USP42: variants seen among roughly 807,000 people sequenced by gnomAD.
USP42 encodes ubiquitin specific peptidase 42.
Under a neutral mutation model 113.0 loss-of-function variants are expected in USP42, and 23 were observed. That is an observed-to-expected ratio of 0.20 (90% CI 0.15 to 0.29). The LOEUF (loss-of-function observed/expected upper bound fraction) is 0.29, where lower values mean the gene tolerates loss of function less well. USP42 is among the 10% of genes least tolerant of loss of function. The pLI, the probability that USP42 is intolerant of heterozygous loss-of-function variation, is 1.00. For synonymous variants in USP42, 933 were observed against 699.0 expected, an observed-to-expected ratio of 1.33 and a Z score of -5.28; for missense variants, 2,174 against 1,779.8, an observed-to-expected ratio of 1.22 and a Z score of -3.99.
chr7:6,157,106 T>G lies in USP42; in HGVS notation c.3943+51T>G, dbSNP rs1782498996. On this transcript the variant is annotated intron_variant, in intron 16 of 17. Transcript: ENST00000306177. This position sits in a 1 kb window ranked among gnomAD's most constrained non-coding sequence, Gnocchi z 4.1. Reference sequence around the variant, plus strand: ...AAGATAGAAACTATTTCTTAATACATTTTCTTTGCAAAGGTGATTAACATG... The same window carrying G: ...AAGATAGAAACTATTTCTTAATACAGTTTCTTTGCAAAGGTGATTAACATG... 1.1e-5 allele frequency: 16 copies of G among 1,491,196 alleles called. No homozygotes were observed. The highest frequency in any genetic ancestry group is 1.2e-5 in the Non-Finnish European group (14 of 1,125,660). The allele number at this position is 1,491,196 out of a possible 1,614,324, so 92.4% of individuals were successfully genotyped here. A position where few individuals can be genotyped will look rare whatever the true frequency, so the allele number is the denominator to read the frequency against.
rs1210779718 is a variant in USP42, at chr7:6,146,007, T to C, written c.1132-141T>C. 26 of 698,510 alleles carry C rather than the reference T, an allele frequency of 3.7e-5. 1 individual carries two copies. In the South Asian group the frequency reaches 4.2e-4, roughly 11 times the overall value. 43.3% of individuals were successfully genotyped at this position (698,510 alleles called of 1,614,324 possible). On this transcript the variant is annotated intron_variant, in intron 10 of 17. Transcript: ENST00000306177. ...ATCGCTTGAACCCAGGAGGTGGAGA[T>C]TGCAAGATCACGCCACTGCACTCCA...
rs940751856 is a variant in USP42, at chr7:6,160,537, G to A, written c.*37-18G>A. ...CGCCTGCCTCCAACTCACTAACCCT[G>A]CGCCTCTTGTCTTTCAGATTCAACG... On this transcript the variant is annotated intron_variant, in intron 17 of 17. Coordinates refer to ENST00000306177, the MANE Select transcript of USP42 (RefSeq NM_032172.3). 2 of 152,658 alleles carry A rather than the reference G, an allele frequency of 1.3e-5. No individual in the cohort carries two copies. Among genetic ancestry groups the A allele is most frequent in the African/African-American group, 4.8e-5 (2 of 41,440 alleles). The allele number at this position is 152,658 out of a possible 1,614,324, so 9.5% of individuals were successfully genotyped here. A position where few individuals can be genotyped will look rare whatever the true frequency, so the allele number is the denominator to read the frequency against.
chr7:6,138,715 A>C (rs1025634071), intron 4 of USP42, among the ~76,000 whole-genome samples: 4 of 152,204 alleles, frequency 2.6e-5, no homozygotes, highest in Non-Finnish European at 5.9e-5. Context: ...GATCAATGGC[A>C]GCATTAGATT....
intron 3 of USP42, among the ~76,000 whole-genome samples, chr7:6,129,054 C>T (rs1010478737): frequency 2.0e-5 from 3 of 152,136 alleles, no homozygotes; most frequent in Middle Eastern, 3.2e-3. Flanking sequence ...TCAGGCCATC[C>T]GCCCACCTCA....
chr7:6,117,662 G>A (rs1407694617), intron 3 of USP42, among the ~76,000 whole-genome samples: 2 of 152,164 alleles, frequency 1.3e-5, no homozygotes, highest in Non-Finnish European at 2.9e-5. Flanking sequence ...TCCCACCACT[G>A]GTGAATGAAT....
chr7:6,140,947 C>G lies in USP42; in HGVS notation c.758C>G (p.Thr253Ser). The change falls in exon 7 of 18, where the codon ACT becomes AGT. Residue 253 changes from threonine (T) to serine (S), a missense_variant. Transcript: ENST00000306177. ...TTAAATTGCAAGGGCGTTTCAGATA[C>G]TTTTGATCCATATCTTGATATAACA... ...KCLNCKGVSD[T>S]FDPYLDITLE... 6.4e-7 allele frequency: 1 copy of G among 1,560,314 alleles called. No homozygotes were observed. Among genetic ancestry groups the G allele is most frequent in the Non-Finnish European group, 8.7e-7 (1 of 1,148,070 alleles).
chr7:6,155,247 G>C, intron 15 of USP42, 52 bp downstream of exon 15: 1 of 1,474,246 alleles, frequency 6.8e-7, no homozygotes, highest in South Asian at 1.4e-5. Context: ...TGTCAGCAGT[G>C]GGGCCTGTCC....
chr7:6,086,144 T>C, the USP42 span, among the ~76,000 whole-genome samples: 11 of 149,594 alleles, frequency 7.4e-5, no homozygotes, highest in Admixed American at 7.3e-4. Context: ...CAAGCAATTC[T>C]CCTGCCTCAG....
chr7:6,106,645 G>C (rs1363723385), intron 1 of USP42, among the ~76,000 whole-genome samples: 1 of 152,126 alleles, frequency 6.6e-6, no homozygotes, highest in Admixed American at 6.6e-5. Flanking sequence ...GCTCACTGTA[G>C]CCTCAATCTC....
chr7:6,115,221 A>G (rs550437026), intron 2 of USP42, 102 bp from the exon 3 acceptor site: 1,114 of 1,181,918 alleles, frequency 9.4e-4, no homozygotes, highest in South Asian at 2.1e-3. Context: ...TGGTCATGAG[A>G]TTTCGGATCT....
chr7:6,142,508 G>A (rs910700202), intron 7 of USP42, among the ~76,000 whole-genome samples: 1 of 152,076 alleles, frequency 6.6e-6, no homozygotes, highest in Non-Finnish European at 1.5e-5. Flanking sequence ...GAGCCACCAC[G>A]CCCGCCCGGA....
intron 1 of USP42, among the ~76,000 whole-genome samples, chr7:6,109,953 G>A (rs987499698): frequency 6.6e-6 from 1 of 151,252 alleles, no homozygotes; most frequent in South Asian, 2.1e-4. Context: ...CACCTGCCTC[G>A]GCCTCCCAAA....
At position 6,160,895 on chromosome 7, in the gene USP42, C is replaced by T. The variant is rs1224892188; in HGVS notation, c.*377C>T. The stretch of plus-strand genomic sequence containing the variant: ...GTTAGACATCTGGTGCAAGACCAAC[C>T]GGGAGACCATGGAATTGTCAAAAGT... On this transcript the variant is annotated 3_prime_UTR_variant, in exon 18 of 18. Coordinates refer to ENST00000306177, the MANE Select transcript of USP42 (RefSeq NM_032172.3). The T allele has an allele frequency of 2.6e-5, 4 of 152,502 alleles. No individual in the cohort carries two copies. The highest frequency in any genetic ancestry group is 2.9e-5 in the Non-Finnish European group (2 of 68,028). The allele number at this position is 152,502 out of a possible 1,614,324, so 9.4% of individuals were successfully genotyped here.
At position 6,159,660 on chromosome 7, in the gene USP42, C is replaced by T. The variant is rs773675337; in HGVS notation, c.*36+167C>T. Among the ~76,000 whole-genome samples, 10 of 152,176 alleles carry T rather than the reference C, an allele frequency of 6.6e-5. No homozygotes were observed. The highest frequency in any genetic ancestry group is 1.9e-4 in the East Asian group (1 of 5,192). On this transcript the variant is annotated intron_variant, in intron 17 of 17. Transcript: ENST00000306177. This position sits in a 1 kb window ranked among gnomAD's most constrained non-coding sequence, Gnocchi z 4.1. ...CCAGCCAGCCCAGACCCAGGCCACG[C>T]GCTTGGGGACAGACCTAGACCCTCC...
At chr7:6,086,958 C>T in the USP42 span, among the ~76,000 whole-genome samples, 1 of 150,308 alleles carries the variant, frequency 6.7e-6, no homozygotes, top group Non-Finnish European at 1.5e-5. Context: ...GAACTCCTGA[C>T]TTCGGGTGAT....
chr7:6,130,666 C>T (rs1319419404), intron 3 of USP42, among the ~76,000 whole-genome samples: 1 of 152,172 alleles, frequency 6.6e-6, no homozygotes, highest in East Asian at 1.9e-4. Context: ...TGTTTACTTG[C>T]CTTTTCTGGT....
upstream of USP42, among the ~76,000 whole-genome samples, chr7:6,100,274 A>C (rs560334300): frequency 1.1e-4 from 17 of 150,898 alleles, 1 homozygote; most frequent in Non-Finnish European, 1.8e-4. Flanking sequence ...TGGGCGCCTG[A>C]TACTGTTGCC....
chr7:6,118,388 G>C (rs530023386), intron 3 of USP42, among the ~76,000 whole-genome samples: 1 of 152,120 alleles, frequency 6.6e-6, no homozygotes. Flanking sequence ...TGGGCTTGGC[G>C]GTGTGCGCCT....
rs557897626 is a variant in USP42 at position 6,150,105 on chromosome 7, C to G, written c.1909C>G (p.Pro637Ala). 2.7e-5 allele frequency: 43 copies of G among 1,611,752 alleles called. No homozygotes were observed. In the South Asian group the frequency reaches 3.5e-4, roughly 13 times the overall value. The change falls in exon 13 of 18, where the codon CCC (proline) becomes GCC (alanine). Residue 637 changes from proline (P) to alanine (A), a missense_variant. Pro to Ala is a conservative substitution (Grantham distance 27). Transcript: ENST00000306177. ...TGGTACGATTGTGAGCTCCCACTCTCCCGGCCAAGATGCCGAAGATGAGGA... is the reference window on the plus strand; with the variant it reads ...TGGTACGATTGTGAGCTCCCACTCTGCCGGCCAAGATGCCGAAGATGAGGA... ...GIGTIVSSHS[P>A]GQDAEDEEAT... is the part of the protein sequence containing the mutation.
Sources: gnomAD v4.1 joint callset for allele counts (sites outside exome capture counted in the v4.1 genomes callset) on GRCh38, gnomAD v4.1.1 for gene constraint, Gnocchi (gnomAD v3.1) non-coding constraint, MANE v1.5 for transcripts, NCBI Gene and HGNC (gene_info 2026-07-23, HGNC 2026-07-21) for gene names.